Variants in TNN observed in about 807,000 individuals in gnomAD.
The protein encoded by TNN is tenascin-N.
In TNN, 122 loss-of-function variants were observed where a neutral mutation model predicts 134.4. The ratio of observed to expected loss-of-function variants is 0.91; its 90% CI spans 0.78 to 1.06. TNN has a LOEUF of 1.06. Ranked by LOEUF, TNN falls within the 50% of genes least tolerant of loss-of-function variation. TNN has a pLI of 0.00. For synonymous variants in TNN, 710 were observed against 670.3 expected, an observed-to-expected ratio of 1.06 and a Z score of -0.91; for missense variants, 1,739 against 1,699.4, an observed-to-expected ratio of 1.02 and a Z score of -0.41.
intron 6 of TNN, among the ~76,000 whole-genome samples, chr1:175,092,745 C>T (rs908299996): frequency 6.6e-6 from 1 of 152,210 alleles, no homozygotes; most frequent in Non-Finnish European, 1.5e-5. Flanking sequence ...ATGCTTCCCT[C>T]CCTCAGATAT....
chr1:175,119,630 T>TTG, intron 11 of TNN, among the ~76,000 whole-genome samples: 2 of 102,148 alleles, frequency 2.0e-5, no homozygotes, highest in Middle Eastern at 9.4e-3. Context: ...CATGAATGCC[T>TTG]TTTTTTTCTT....
At chr1:175,137,451 C>A (rs1049804003) in intron 17 of TNN, among the ~76,000 whole-genome samples, 1 of 151,382 alleles carries the variant, frequency 6.6e-6, no homozygotes, top group African/African-American at 2.4e-5. Flanking sequence ...AGTGCTGATT[C>A]AAATAATAAG....
intron 17 of TNN, among the ~76,000 whole-genome samples, chr1:175,138,124 A>G (rs1185154639): frequency 6.6e-6 from 1 of 152,186 alleles, no homozygotes. Context: ...TGGACTTCTC[A>G]AGATCATGTA....
intron 15 of TNN, among the ~76,000 whole-genome samples, chr1:175,129,002 A>G (rs1482515124): frequency 6.6e-6 from 1 of 152,120 alleles, no homozygotes; most frequent in East Asian, 1.9e-4. Flanking sequence ...TGCAAAGCAA[A>G]AGCAAGTTTA....
At chr1:175,078,656 G>C (rs12239455) in intron 2 of TNN, among the ~76,000 whole-genome samples, 33,369 of 152,112 alleles carry the variant, frequency 0.22, 4,674 homozygotes, top group East Asian at 0.37. Flanking sequence ...AGCGTTTTTA[G>C]GAAGGAAAGA....
In TNN at chr1:175,077,562, C is replaced by T. The variant is rs147634808; in HGVS notation, c.144C>T (p.Ile48=). The change falls in exon 2 of 19, where the codon ATC becomes ATT. Residue 48 remains isoleucine (I), a synonymous_variant. Transcript: ENST00000239462. ...QQVTVSHTYK[I]DVPKSALVQV... is the part of the protein sequence containing the mutation. ...TCACTGTCAGCCACACCTACAAGAT[C>T]GATGTGCCCAAGTCTGCCTTGGTTC... 18 of 1,614,098 alleles carry T rather than the reference C, an allele frequency of 1.1e-5. No homozygotes were observed. Among genetic ancestry groups the T allele is most frequent in the African/African-American group, 5.3e-5 (4 of 74,940 alleles).
intron 9 of TNN, among the ~76,000 whole-genome samples, chr1:175,116,601 C>T (rs753614570): frequency 7.2e-5 from 11 of 152,230 alleles, no homozygotes; most frequent in African/African-American, 1.2e-4. Context: ...AACAGCTGAA[C>T]TGTCCGGAGC....
intron 9 of TNN, 101 bp from the exon 10 acceptor site, chr1:175,116,838 A>G (rs1675190762): frequency 6.6e-7 from 1 of 1,505,710 alleles, no homozygotes; most frequent in Non-Finnish European, 9.2e-7. Flanking sequence ...ATATGGAGAA[A>G]CCATAAGAAC....
chr1:175,094,239 C>T lies in TNN; in HGVS notation c.1574C>T (p.Thr525Ile). The T allele has an allele frequency of 6.2e-7, 1 of 1,602,592 alleles. No homozygotes were observed. Among genetic ancestry groups the T allele is most frequent in the Non-Finnish European group, 8.5e-7 (1 of 1,172,436 alleles). ...RGNQGSKKADTNALTEIDSPA... is the reference protein window; with the variant it reads ...RGNQGSKKADINALTEIDSPA... Reference sequence around the variant, plus strand: ...AACCAGGGGAGCAAGAAAGCTGACACCAATGCCCTCACAGGTAACAGAAGG... The same window carrying T: ...AACCAGGGGAGCAAGAAAGCTGACATCAATGCCCTCACAGGTAACAGAAGG... Residue 525 changes from threonine (T) to isoleucine (I), a missense_variant, in exon 7 of 19, where the codon ACC becomes ATC. By Grantham distance (89) the Thr-to-Ile change is moderately conservative (BLOSUM62 -1). Transcript: ENST00000239462.
At position 175,099,579 on chromosome 1, in the gene TNN, A is replaced by G. The variant is rs12076203; in HGVS notation, c.2119+984A>G. ...AGGTAAGGGTCCTGGAAGAGGAGAGATGAGGGCTCAGGAGGAGGAGAGGTG... is the reference window on the plus strand; with the variant it reads ...AGGTAAGGGTCCTGGAAGAGGAGAGGTGAGGGCTCAGGAGGAGGAGAGGTG... On this transcript the variant is annotated intron_variant, in intron 9 of 18. Transcript: ENST00000239462. Among the ~76,000 whole-genome samples the G allele has an allele frequency of 6.9e-3, 507 of 73,208 alleles. 1 individual carries two copies. The highest frequency in any genetic ancestry group is 9.1e-3 in the Middle Eastern group (1 of 110). The allele number at this position is 73,208 out of a possible 152,430, so 48.0% of individuals were successfully genotyped here.
At chr1:175,120,078 G>T (rs2101837626) in intron 11 of TNN, among the ~76,000 whole-genome samples, 1 of 152,334 alleles carries the variant, frequency 6.6e-6, no homozygotes, top group South Asian at 2.1e-4. Flanking sequence ...ATTTTGTATA[G>T]GTTTGACCGA....
chr1:175,095,339 C>T (rs1206489607), intron 7 of TNN, among the ~76,000 whole-genome samples: 1 of 152,144 alleles, frequency 6.6e-6, no homozygotes, highest in African/African-American at 2.4e-5. Flanking sequence ...GTTTCTATTG[C>T]AATTACTTAA....
intron 18 of TNN, among the ~76,000 whole-genome samples, chr1:175,145,825 C>A (rs972057753): frequency 6.6e-6 from 1 of 152,044 alleles, no homozygotes; most frequent in African/African-American, 2.4e-5. Flanking sequence ...TTGACAGCTG[C>A]GGGGCACTTC....
intron 6 of TNN, among the ~76,000 whole-genome samples, chr1:175,085,894 A>AAAT: frequency 6.6e-6 from 1 of 151,120 alleles, no homozygotes; most frequent in Non-Finnish European, 1.5e-5. Context: ...AAAAAAAAAA[A>AAAT]GAGAATTCTG....
Position 175,094,082 on chromosome 1 carries a change from T to C in TNN, c.1417T>C (p.Tyr473His). 2 of 1,614,162 alleles carry C rather than the reference T, an allele frequency of 1.2e-6. No individual in the cohort carries two copies. Among genetic ancestry groups the C allele is most frequent in the East Asian group, 2.2e-5 (1 of 44,892 alleles). The change falls in exon 7 of 19, where the codon TAT becomes CAT. Residue 473 changes from tyrosine to histidine, a missense_variant. Coordinates refer to ENST00000239462, the MANE Select transcript of TNN (RefSeq NM_022093.2). Reference sequence around the variant, plus strand: ...CCCAGTGCAGGCTGTCATAGACAAGTATGTAGTGCGCTACACTTCTGCTGA... The same window carrying C: ...CCCAGTGCAGGCTGTCATAGACAAGCATGTAGTGCGCTACACTTCTGCTGA... ...WDPVQAVIDKYVVRYTSADGD... is the reference protein window; with the variant it reads ...WDPVQAVIDKHVVRYTSADGD...
At chr1:175,097,226 T>C (rs1018300387) in intron 7 of TNN, among the ~76,000 whole-genome samples, 191 bp from the exon 8 acceptor site, 1 of 152,216 alleles carries the variant, frequency 6.6e-6, no homozygotes, top group South Asian at 2.1e-4. Context: ...ACTCCACTTC[T>C]TATTAAATGT....
intron 11 of TNN, among the ~76,000 whole-genome samples, chr1:175,119,527 C>T (rs1232549697): frequency 6.6e-6 from 1 of 152,112 alleles, no homozygotes; most frequent in Non-Finnish European, 1.5e-5. Context: ...GTAGGTTTCA[C>T]CCTTATTTGA....
intron 1 of TNN, among the ~76,000 whole-genome samples, chr1:175,076,635 G>A (rs144284879): frequency 1.5e-3 from 225 of 152,300 alleles, no homozygotes; most frequent in African/African-American, 5.1e-3. Context: ...AGTGAGTTTC[G>A]TGAGCAGGAT....
At chr1:175,077,304 C>A in intron 1 of TNN, 80 bp from the exon 2 acceptor site, 5 of 1,086,164 alleles carry the variant, frequency 4.6e-6, no homozygotes, top group Non-Finnish European at 6.7e-6. Flanking sequence ...CTTCCTTGGG[C>A]TCTTAGAATC....
Sources: allele counts gnomAD v4.1 joint callset (sites outside exome capture counted in the v4.1 genomes callset), GRCh38; gene constraint gnomAD v4.1.1; transcripts MANE v1.5; gene names NCBI Gene and HGNC (gene_info 2026-07-23, HGNC 2026-07-21).